LINGO2: variants seen among roughly 807,000 people sequenced by gnomAD.
The protein encoded by LINGO2 is leucine rich repeat and Ig domain containing 2, also known as leucine-rich repeat and immunoglobulin-like domain-containing nogo receptor-interacting protein 2.
In LINGO2, 14 loss-of-function variants were observed where a neutral mutation model predicts 30.6. The ratio of observed to expected loss-of-function variants is 0.46; its 90% CI spans 0.30 to 0.72. LINGO2 has a LOEUF of 0.72. Ranked by LOEUF, LINGO2 falls within the 30% of genes least tolerant of loss-of-function variation. The pLI, the probability that LINGO2 is intolerant of heterozygous loss-of-function variation, is 0.07. For synonymous variants in LINGO2, 317 were observed against 288.5 expected (o/e 1.10, Z -1.00); for missense variants, 729 against 751.7 (o/e 0.97, Z 0.35).
At chr9:28,033,666 A>C (rs1167791045) in intron 4 of LINGO2, among the ~76,000 whole-genome samples, 1 of 152,192 alleles carries the variant, frequency 6.6e-6, no homozygotes, top group East Asian at 1.9e-4. Context: ...AAATTACTTC[A>C]AAATTTTTTG....
intron 3 of LINGO2, among the ~76,000 whole-genome samples, chr9:28,334,972 A>C (rs1166978856): frequency 6.6e-6 from 1 of 152,162 alleles, no homozygotes; most frequent in African/African-American, 2.4e-5. Context: ...TAGGCCAGTG[A>C]GATAGAGGCC....
At chr9:29,155,204 A>G in the LINGO2 span, among the ~76,000 whole-genome samples, 1 of 152,150 alleles carries the variant, frequency 6.6e-6, no homozygotes, top group African/African-American at 2.4e-5. Flanking sequence ...TAAGGTTTTC[A>G]CATTGCTCTT....
At chr9:28,023,610 G>A (rs904253746) in intron 4 of LINGO2, among the ~76,000 whole-genome samples, 1 of 152,160 alleles carries the variant, frequency 6.6e-6, no homozygotes, top group Non-Finnish European at 1.5e-5. Flanking sequence ...AGTTGAAACA[G>A]GAAAGCTAGA....
chr9:28,005,462 C>G (rs902795987), intron 5 of LINGO2, among the ~76,000 whole-genome samples: 1 of 152,126 alleles, frequency 6.6e-6, no homozygotes, highest in African/African-American at 2.4e-5. Flanking sequence ...TCTTGCCAGT[C>G]TTTTTCCCTC....
the LINGO2 span, among the ~76,000 whole-genome samples, chr9:28,893,048 T>A: frequency 1.3e-5 from 2 of 152,150 alleles, no homozygotes; most frequent in African/African-American, 4.8e-5. Flanking sequence ...ACATGCTTGA[T>A]GCTTAAAGAT....
At chr9:28,857,701 T>A in the LINGO2 span, among the ~76,000 whole-genome samples, 4 of 152,046 alleles carry the variant, frequency 2.6e-5, no homozygotes, top group Non-Finnish European at 5.9e-5. Flanking sequence ...ATATGGTTAG[T>A]CCAAACCGAG....
At chr9:29,194,934 G>C in the LINGO2 span, among the ~76,000 whole-genome samples, 1 of 152,026 alleles carries the variant, frequency 6.6e-6, no homozygotes, top group South Asian at 2.1e-4. Flanking sequence ...TTTATATCAT[G>C]AGTAGAATCA....
chr9:28,452,612 G>C (rs926962590), intron 2 of LINGO2, among the ~76,000 whole-genome samples: 13 of 151,882 alleles, frequency 8.6e-5, no homozygotes, highest in African/African-American at 3.1e-4. Context: ...CTTGGATCAT[G>C]GTTTGTGGAT....
rs547680440 is a variant in LINGO2 at position 28,476,369 on chromosome 9, G to T, written c.-364-344C>A. ...CTGCTCACTGCAGGCTCCGCCTCCC[G>T]GGTTCACGCCATTCTCCTGCCTCAG... On this transcript the variant is annotated intron_variant, in intron 1 of 5. Coordinates refer to ENST00000379992, the Ensembl canonical transcript of LINGO2. Among the ~76,000 whole-genome samples the T allele has an allele frequency of 6.6e-4, 100 of 152,196 alleles. 1 individual carries two copies. The highest frequency in any genetic ancestry group is 2.3e-3 in the African/African-American group (95 of 41,552).
chr9:28,943,361 T>C, the LINGO2 span, among the ~76,000 whole-genome samples: 2 of 149,856 alleles, frequency 1.3e-5, no homozygotes, highest in African/African-American at 4.9e-5. Flanking sequence ...CAAGGAGGTA[T>C]GCTACAGATG....
chr9:28,987,832 T>A, the LINGO2 span, among the ~76,000 whole-genome samples: 1 of 152,208 alleles, frequency 6.6e-6, no homozygotes, highest in Non-Finnish European at 1.5e-5. Flanking sequence ...TCCATGTATT[T>A]ATGGATTTTC....
the LINGO2 span, among the ~76,000 whole-genome samples, chr9:29,015,411 G>A: frequency 1.4e-3 from 220 of 152,074 alleles, no homozygotes; most frequent in Non-Finnish European, 2.4e-3. Flanking sequence ...TTTTCTATAG[G>A]GGGCCAGACA....
intron 1 of LINGO2, among the ~76,000 whole-genome samples, chr9:28,645,081 C>A (rs756331695): frequency 9.2e-5 from 14 of 151,980 alleles, no homozygotes; most frequent in Non-Finnish European, 1.6e-4. Context: ...ACTAATATTG[C>A]CAACAAAATA....
At chr9:28,708,002 G>C in the LINGO2 span, among the ~76,000 whole-genome samples, 1 of 151,906 alleles carries the variant, frequency 6.6e-6, no homozygotes, top group Admixed American at 6.6e-5. Flanking sequence ...TAAGAAGGTG[G>C]GAATAAAGAC....
the LINGO2 span, among the ~76,000 whole-genome samples, chr9:29,085,632 T>C: frequency 3.0e-3 from 458 of 152,226 alleles, 9 homozygotes; most frequent in African/African-American, 1.5e-3. Flanking sequence ...TTAGAAGATA[T>C]GATTTTACTC....
intron 4 of LINGO2, among the ~76,000 whole-genome samples, chr9:28,243,185 T>A (rs1821864418): frequency 6.6e-6 from 1 of 151,878 alleles, no homozygotes; most frequent in South Asian, 2.1e-4. Flanking sequence ...AGGCTGGGTG[T>A]GGTAGCTCAC....
At chr9:28,221,167 C>T (rs1820947901) in intron 4 of LINGO2, among the ~76,000 whole-genome samples, 1 of 151,782 alleles carries the variant, frequency 6.6e-6, no homozygotes, top group East Asian at 1.9e-4. Flanking sequence ...GGCGTGGTGG[C>T]GGGCGCCTGT....
intron 4 of LINGO2, among the ~76,000 whole-genome samples, chr9:28,182,014 T>A (rs1013010633): frequency 2.0e-5 from 3 of 150,514 alleles, no homozygotes; most frequent in Non-Finnish European, 4.4e-5. Context: ...AAGACAACCC[T>A]AAAAAAAAAG....
At chr9:28,656,825 T>C (rs1828366794) in intron 1 of LINGO2, among the ~76,000 whole-genome samples, 1 of 152,100 alleles carries the variant, frequency 6.6e-6, no homozygotes, top group African/African-American at 2.4e-5. Context: ...TTCTAACTAA[T>C]AGATAGTGGT....
Sources: allele counts gnomAD v4.1 joint callset (sites outside exome capture counted in the v4.1 genomes callset), GRCh38; gene constraint gnomAD v4.1.1; transcripts MANE v1.5; gene names NCBI Gene and HGNC (gene_info 2026-07-23, HGNC 2026-07-21).